ZNF536: variants seen among roughly 807,000 people sequenced by gnomAD.
ZNF536 encodes zinc finger protein 536.
Under a neutral mutation model 84.5 loss-of-function variants are expected in ZNF536, and 13 were observed. The observed-to-expected ratio is 0.15, with a 90% CI of 0.10 to 0.24. The LOEUF (loss-of-function observed/expected upper bound fraction) is 0.24, where lower values mean the gene tolerates loss of function less well. Ranked by LOEUF, ZNF536 falls within the 10% of genes least tolerant of loss-of-function variation. The probability of loss-of-function intolerance (pLI) is 1.00; values close to 1 mark genes in which losing one functional copy is unlikely to be tolerated. For missense variants in ZNF536, 1,536 were observed against 1,747.5 expected (o/e 0.88, Z 2.16); for synonymous variants, 811 against 742.5 (o/e 1.09, Z -1.50).
chr19:30,596,988 G>A (rs1179413399), intron 1 of ZNF536, among the ~76,000 whole-genome samples: 2 of 152,158 alleles, frequency 1.3e-5, no homozygotes, highest in African/African-American at 2.4e-5. Flanking sequence ...AATGCTAATA[G>A]CGAATTCCCA....
At chr19:30,342,199 C>T (rs1312423445) in intron 2 of ZNF536, among the ~76,000 whole-genome samples, 1 of 152,056 alleles carries the variant, frequency 6.6e-6, no homozygotes, top group Non-Finnish European at 1.5e-5. Flanking sequence ...AGTTAGATAG[C>T]CAGAAAAATG....
intron 1 of ZNF536, among the ~76,000 whole-genome samples, chr19:30,437,243 G>A (rs1210494772): frequency 6.6e-6 from 1 of 152,032 alleles, no homozygotes; most frequent in Non-Finnish European, 1.5e-5. Flanking sequence ...CTGGTGTCCT[G>A]ATAGTTTTAA....
intron 1 of ZNF536, among the ~76,000 whole-genome samples, chr19:30,640,063 G>A (rs2049212430): frequency 1.3e-5 from 2 of 152,124 alleles, no homozygotes; most frequent in South Asian, 2.1e-4. Flanking sequence ...TGGCTAACAC[G>A]GTGAAACCTC....
intron 2 of ZNF536, among the ~76,000 whole-genome samples, chr19:30,327,134 A>T (rs2047067187): frequency 6.6e-6 from 1 of 152,142 alleles, no homozygotes; most frequent in Admixed American, 6.6e-5. Flanking sequence ...TAAATAAGTT[A>T]ATTCATTAAT....
rs2022801362 is a variant in ZNF536 at position 30,228,952 on chromosome 19, C to A, written c.-190+279C>A. Among the ~76,000 whole-genome samples, 1 of 150,566 alleles carries A rather than the reference C, an allele frequency of 6.6e-6. No homozygotes were observed. The highest frequency in any genetic ancestry group is 1.5e-5 in the Non-Finnish European group (1 of 67,656). On this transcript the variant is annotated intron_variant, in intron 1 of 5. Transcript: ENST00000585628. This position sits in a 1 kb window ranked among gnomAD's most constrained non-coding sequence, Gnocchi z 4.5. ...TCGGGAGGCGATCTTGGGGGGCGCG[C>A]GGTCGCAGTTGGGCATCTTGCCTGG...
intron 1 of ZNF536, among the ~76,000 whole-genome samples, chr19:30,432,006 T>TATATATATATAC (rs149223384): frequency 0.085 from 12,354 of 145,410 alleles, 713 homozygotes; most frequent in Middle Eastern, 0.17. Context: ...TATATATATA[T>TATATATATATAC]ACACACACAC....
intron 1 of ZNF536, among the ~76,000 whole-genome samples, chr19:30,400,174 A>G (rs931195700): frequency 3.3e-5 from 5 of 152,060 alleles, no homozygotes; most frequent in Non-Finnish European, 5.9e-5. Flanking sequence ...TATAGCCAAA[A>G]TTTCTGTGAA....
chr19:30,578,265 T>C (rs1442126609), intron 1 of ZNF536, among the ~76,000 whole-genome samples: 3 of 152,208 alleles, frequency 2.0e-5, no homozygotes, highest in Non-Finnish European at 4.4e-5. Flanking sequence ...GACCTGATAT[T>C]ATAGAAACCT....
intron 2 of ZNF536, among the ~76,000 whole-genome samples, chr19:30,291,705 C>T (rs535376910): frequency 3.7e-4 from 56 of 152,286 alleles, no homozygotes; most frequent in African/African-American, 1.2e-3. Flanking sequence ...CTGCCAGCAG[C>T]GTGCCAGGCC....
intron 1 of ZNF536, among the ~76,000 whole-genome samples, chr19:30,263,367 C>T (rs1182784502): frequency 1.3e-5 from 2 of 152,070 alleles, no homozygotes; most frequent in African/African-American, 2.4e-5. Flanking sequence ...TGCCATCACC[C>T]GTGGAGCTGG....
upstream of ZNF536, among the ~76,000 whole-genome samples, chr19:30,369,814 A>T (rs4805556): frequency 6.6e-6 from 1 of 152,094 alleles, no homozygotes; most frequent in African/African-American, 2.4e-5. Flanking sequence ...CCACTTTTAG[A>T]TTAAGAGAAA....
chr19:30,574,885 G>A (rs1201319807), intron 1 of ZNF536, among the ~76,000 whole-genome samples: 3 of 151,868 alleles, frequency 2.0e-5, no homozygotes, highest in Non-Finnish European at 2.9e-5. Context: ...TTTTTTAAAG[G>A]TGAGAGGCTA....
In ZNF536 at chr19:30,320,859, G is replaced by A. The variant is rs546447648; in HGVS notation, c.-119-31509G>A. Among the ~76,000 whole-genome samples the A allele has an allele frequency of 3.9e-5, 6 of 152,250 alleles. No homozygotes were observed. The South Asian group carries it at 6.2e-4, about 16-fold the overall frequency. On this transcript the variant is annotated intron_variant, in intron 2 of 5. Coordinates refer to the ZNF536 transcript ENST00000585628. ...GGAGAAGGCCCACTGTGCGCCGGAC[G>A]TGTCACAAAAACAGAGGCACATTCC...
chr19:30,690,796 C>T (rs972591578), intron 1 of ZNF536, among the ~76,000 whole-genome samples: 1 of 152,176 alleles, frequency 6.6e-6, no homozygotes, highest in Non-Finnish European at 1.5e-5. Flanking sequence ...TGTGTAAGGA[C>T]TGAATGGCAC....
intron 2 of ZNF536, among the ~76,000 whole-genome samples, chr19:30,321,739 T>C (rs2046862862): frequency 6.6e-6 from 1 of 151,556 alleles, no homozygotes; most frequent in Non-Finnish European, 1.5e-5. Context: ...TCTACCTGGC[T>C]AATTTAATTT....
At chr19:30,374,809 C>G (rs2048745923) in intron 1 of ZNF536, among the ~76,000 whole-genome samples, 3 of 151,966 alleles carry the variant, frequency 2.0e-5, no homozygotes, top group East Asian at 3.9e-4. Context: ...CCAGCCGGCG[C>G]CCGGGCGGAT....
chr19:30,316,954 G>T (rs2046698523), intron 2 of ZNF536, among the ~76,000 whole-genome samples: 1 of 152,184 alleles, frequency 6.6e-6, no homozygotes, highest in Non-Finnish European at 1.5e-5. Context: ...GACATGGGGA[G>T]GGGGACACAG....
At chr19:30,493,961 G>T (rs2054613324) in intron 2 of ZNF536, among the ~76,000 whole-genome samples, 1 of 152,132 alleles carries the variant, frequency 6.6e-6, no homozygotes, top group Non-Finnish European at 1.5e-5. Flanking sequence ...ATACAAGGCA[G>T]CAGGGTGGCT....
At chr19:30,234,744 T>TACACACACAC (rs111232052) in intron 1 of ZNF536, among the ~76,000 whole-genome samples, 13 of 147,744 alleles carry the variant, frequency 8.8e-5, no homozygotes, top group Admixed American at 4.7e-4. Flanking sequence ...ATTACTAAAT[T>TACACACACAC]ACACACACAC....
Sources: gnomAD v4.1 joint callset for allele counts (sites outside exome capture counted in the v4.1 genomes callset) on GRCh38, gnomAD v4.1.1 for gene constraint, Gnocchi (gnomAD v3.1) non-coding constraint, MANE v1.5 for transcripts, NCBI Gene and HGNC (gene_info 2026-07-23, HGNC 2026-07-21) for gene names.